The following TLR3 variants were observed in gnomAD, a reference collection of about 807,000 sequenced individuals.
TLR3 encodes the protein toll-like receptor 3.
Under a neutral mutation model 66.4 loss-of-function variants are expected in TLR3, and 43 were observed. The observed-to-expected ratio is 0.65, with a 90% confidence interval of 0.51 to 0.83. The LOEUF is 0.83. Ranked by LOEUF, TLR3 falls within the 40% of genes least tolerant of loss-of-function variation. The pLI is 0.00. For synonymous variants in TLR3, 397 were observed against 397.2 expected, an observed-to-expected ratio of 1.00 and a Z score of 0.01; for missense variants, 982 against 1,044.6, an observed-to-expected ratio of 0.94 and a Z score of 0.83.
In TLR3 at chr4:186,076,631, T is replaced by G. The variant is rs761878392; in HGVS notation, c.12T>G (p.Thr4=). Reference sequence around the variant, plus strand: ...TCTACAGCAGAATCATGAGACAGACTTTGCCTTGTATCTACTTTTGGGGGG... The same window carrying G: ...TCTACAGCAGAATCATGAGACAGACGTTGCCTTGTATCTACTTTTGGGGGG... MRQ[T]LPCIYFWGGL... is the part of the protein sequence containing the mutation. The change falls in exon 2 of 5, where the codon ACT becomes ACG. Residue 4 remains threonine (T), a synonymous_variant. Transcript: ENST00000296795. The G allele has an allele frequency of 6.2e-7, 1 of 1,614,180 alleles. No individual in the cohort carries two copies. The highest frequency in any genetic ancestry group is 1.1e-5 in the South Asian group (1 of 91,076).
intron 1 of TLR3, among the ~76,000 whole-genome samples, chr4:186,073,632 T>C (rs1000794714): frequency 1.3e-5 from 2 of 152,114 alleles, no homozygotes; most frequent in African/African-American, 4.8e-5. Context: ...CACCTTCACA[T>C]AGAAGCTAAC....
At chr4:186,075,761 C>T (rs1208300498) in intron 1 of TLR3, among the ~76,000 whole-genome samples, 1 of 152,088 alleles carries the variant, frequency 6.6e-6, no homozygotes, top group Non-Finnish European at 1.5e-5. Context: ...GCTAACATTT[C>T]ACATCTTGAC....
chr4:186,084,832 A>C lies in TLR3; in HGVS notation c.2674A>C (p.Lys892Gln). ...QKERIGAFRHKLQVALGSKNS... is the reference protein window; with the variant it reads ...QKERIGAFRHQLQVALGSKNS... ...AGAACGGATAGGTGCCTTTCGTCAT[A>C]AATTGCAAGTAGCACTTGGATCCAA... Residue 892 changes from lysine (K) to glutamine (Q), a missense_variant, in exon 5 of 5, where the codon AAA (lysine) becomes CAA (glutamine). Lys to Gln is a moderately conservative substitution (Grantham distance 53). This residue lies in a region of TLR3 where 666 missense variants were observed against 709.0 expected (regional missense o/e 0.94). Transcript: ENST00000296795. 1 of 1,614,068 alleles carries C rather than the reference A, an allele frequency of 6.2e-7. No individual in the cohort carries two copies. Among genetic ancestry groups the C allele is most frequent in the Non-Finnish European group, 8.5e-7 (1 of 1,179,990 alleles).
chr4:186,082,075 C>T (rs1339479910), intron 3 of TLR3: 5 of 497,842 alleles, frequency 1.0e-5, no homozygotes, highest in East Asian at 3.8e-5. Context: ...AAATACAAAA[C>T]TTAGCTGGAC....
intron 3 of TLR3, 101 bp downstream of exon 3, chr4:186,079,132 G>A: frequency 9.2e-7 from 1 of 1,089,514 alleles, no homozygotes; most frequent in Non-Finnish European, 1.3e-6. Flanking sequence ...GCCTCTGCCT[G>A]TCTTCCAGCA....
At position 186,069,254 on chromosome 4, in the gene TLR3, T is replaced by C. The variant is rs765240183; in HGVS notation, c.-8+6T>C. 22 of 152,336 alleles carry C rather than the reference T, an allele frequency of 1.4e-4. No homozygotes were observed. The highest frequency in any genetic ancestry group is 2.9e-4 in the Non-Finnish European group (20 of 68,042). 9.4% of individuals were successfully genotyped at this position (152,336 alleles called of 1,614,324 possible). A position where few individuals can be genotyped will look rare whatever the true frequency, so the allele number is the denominator to read the frequency against. On this transcript the variant is annotated splice_donor_region_variant and intron_variant, in intron 1 of 4. Coordinates refer to ENST00000296795, the MANE Select transcript of TLR3 (RefSeq NM_003265.3). ...AAAGGCTAGCAGTCATCCAAGTAAG[T>C]GAAGGTGTTCATTTCACGTTCTTAC...
chr4:186,078,994 T>C lies in TLR3; in HGVS notation c.596T>C (p.Leu199Ser), dbSNP rs764480581. 3 of 1,613,594 alleles carry C rather than the reference T, an allele frequency of 1.9e-6. No homozygotes were observed. The highest frequency in any genetic ancestry group is 2.5e-6 in the Non-Finnish European group (3 of 1,179,906). Residue 199 changes from leucine (L) to serine (S), a missense_variant, in exon 3 of 5, where the codon TTA becomes TCA. Coordinates refer to ENST00000296795, the MANE Select transcript of TLR3 (RefSeq NM_003265.3). ...CTGGATATCTTTGCCAATTCATCTT[T>C]AAAAAAATTAGAGTTGTCATCGAAT... is the stretch of plus-strand genomic sequence containing the variant. ...EELDIFANSS[L>S]KKLELSSNQI...
At chr4:186,070,452 G>A (rs892887253) in intron 1 of TLR3, among the ~76,000 whole-genome samples, 7 of 150,790 alleles carry the variant, frequency 4.6e-5, no homozygotes, top group South Asian at 2.1e-4. Context: ...TGGCATGATC[G>A]TGGCTCACTG....
In TLR3 at chr4:186,083,892, G is replaced by A; in HGVS notation, c.2206G>A (p.Val736Ile). Residue 736 changes from valine (V) to isoleucine (I), a missense_variant, in exon 4 of 5, where the codon GTT becomes ATT. Around this residue, in one of 3 missense-constraint regions of TLR3, gnomAD observed 666 missense variants for 709.0 expected, o/e 0.94. Transcript: ENST00000296795. The surrounding 1 kb of genome is among the most constrained non-coding windows in gnomAD (Gnocchi z 4.0). The part of the protein sequence containing the change: ...EGWRISFYWN[V>I]SVHRVLGFKE... ...CTGGAGGATATCTTTTTATTGGAAT[G>A]TTTCAGTACATCGAGTTCTTGGTTT... The A allele has an allele frequency of 6.2e-7, 1 of 1,614,148 alleles. No individual in the cohort carries two copies. The highest frequency in any genetic ancestry group is 8.5e-7 in the Non-Finnish European group (1 of 1,180,024).
At chr4:186,075,397 G>T (rs901171290) in intron 1 of TLR3, among the ~76,000 whole-genome samples, 1 of 152,088 alleles carries the variant, frequency 6.6e-6, no homozygotes, top group Non-Finnish European at 1.5e-5. Flanking sequence ...CAAGGCTGGA[G>T]GATCACTTGA....
At chr4:186,076,044 C>T (rs895028406) in intron 1 of TLR3, among the ~76,000 whole-genome samples, 3 of 151,982 alleles carry the variant, frequency 2.0e-5, no homozygotes, top group Non-Finnish European at 4.4e-5. Flanking sequence ...ATCCCAGCTA[C>T]TCGGGAGGCT....
chr4:186,074,791 T>A (rs998248786), intron 1 of TLR3, among the ~76,000 whole-genome samples: 8 of 152,162 alleles, frequency 5.3e-5, no homozygotes, highest in Admixed American at 5.2e-4. Context: ...CTATTTTTAA[T>A]TTTCTTCTTT....
chr4:186,084,701 T>C lies in TLR3; in HGVS notation c.2543T>C (p.Ile848Thr), dbSNP rs1396484974. Residue 848 changes from isoleucine to threonine, a missense_variant, in exon 5 of 5, where the codon ATA (isoleucine) becomes ACA (threonine). Physicochemically the swap from Ile to Thr is moderately conservative, Grantham distance 89. Transcript: ENST00000296795. ...ATTGAACAAAATCTGGATTCCATTA[T>C]ATTGGTTTTCCTTGAGGAGATTCCA... The part of the protein sequence containing the change: ...QAIEQNLDSI[I>T]LVFLEEIPDY... 6 of 1,614,036 alleles carry C rather than the reference T, an allele frequency of 3.7e-6. No homozygotes were observed. Among genetic ancestry groups the C allele is most frequent in the East Asian group, 2.2e-5 (1 of 44,858 alleles).
At chr4:186,081,718 G>A (rs1470330692) in intron 3 of TLR3, 1 of 153,880 alleles carries the variant, frequency 6.5e-6, no homozygotes, top group Non-Finnish European at 1.4e-5. Flanking sequence ...GATGGATCCT[G>A]GACTGGAAGG....
Position 186,083,978 on chromosome 4 carries a change from T to C in TLR3, c.2292T>C (p.Tyr764=), listed in dbSNP as rs2150068174. ...ATGCAGCATATATAATTCATGCCTA[T>C]AAAGATAAGGATTGGGTCTGGGAAC... ...FEYAAYIIHA[Y]KDKDWVWEHF... is the part of the protein sequence containing the mutation. The change falls in exon 4 of 5, where the codon TAT becomes TAC. Residue 764 remains tyrosine, a synonymous_variant. Coordinates refer to ENST00000296795, the MANE Select transcript of TLR3 (RefSeq NM_003265.3). This position sits in a 1 kb window ranked among gnomAD's most constrained non-coding sequence, Gnocchi z 4.0. 3 of 1,614,116 alleles carry C rather than the reference T, an allele frequency of 1.9e-6. No individual in the cohort carries two copies. The highest frequency in any genetic ancestry group is 2.5e-6 in the Non-Finnish European group (3 of 1,180,014).
chr4:186,069,422 G>A (rs1294830884), intron 1 of TLR3, among the ~76,000 whole-genome samples, 174 bp downstream of exon 1: 1 of 152,080 alleles, frequency 6.6e-6, no homozygotes, highest in Non-Finnish European at 1.5e-5. Context: ...ATATGATATG[G>A]GCATGGGAGA....
chr4:186,082,793 C>T lies in TLR3; in HGVS notation c.1107C>T (p.Gly369=), dbSNP rs1011949838. The change falls in exon 4 of 5, where the codon GGC becomes GGT. Residue 369 remains glycine, a synonymous_variant. Coordinates refer to ENST00000296795, the MANE Select transcript of TLR3 (RefSeq NM_003265.3). ...HLNMEDNDIP[G]IKSNMFTGLI... Reference sequence around the variant, plus strand: ...ACATGGAAGATAATGATATTCCAGGCATAAAAAGCAATATGTTCACAGGAT... The same window carrying T: ...ACATGGAAGATAATGATATTCCAGGTATAAAAAGCAATATGTTCACAGGAT... 1.9e-6 allele frequency: 3 copies of T among 1,613,930 alleles called. No individual in the cohort carries two copies. Among genetic ancestry groups the T allele is most frequent in the African/African-American group, 1.3e-5 (1 of 74,908 alleles).
At chr4:186,079,215 G>A (rs908088672) in intron 3 of TLR3, among the ~76,000 whole-genome samples, 184 bp downstream of exon 3, 3 of 152,068 alleles carry the variant, frequency 2.0e-5, no homozygotes, top group Admixed American at 1.3e-4. Flanking sequence ...GGAGAGGTCG[G>A]GAGACGGGAC....
At position 186,083,609 on chromosome 4, in the gene TLR3, T is replaced by C. The variant is rs761905609; in HGVS notation, c.1923T>C (p.Asp641=). 12 of 1,610,064 alleles carry C rather than the reference T, an allele frequency of 7.5e-6. No individual in the cohort carries two copies. The highest frequency in any genetic ancestry group is 1.7e-4 in the Middle Eastern group (1 of 6,056). ...GPAFRNLTEL[D]MRFNPFDCTC... ...CTTTCAGGAACCTGACTGAGTTAGATATGCGCTTTAATCCCTTTGATTGCA... is the reference window on the plus strand; with the variant it reads ...CTTTCAGGAACCTGACTGAGTTAGACATGCGCTTTAATCCCTTTGATTGCA... The change falls in exon 4 of 5, where the codon GAT becomes GAC. Residue 641 remains aspartate (D), a synonymous_variant. Coordinates refer to ENST00000296795, the MANE Select transcript of TLR3 (RefSeq NM_003265.3). This position sits in a 1 kb window ranked among gnomAD's most constrained non-coding sequence, Gnocchi z 4.0.
Sources: gnomAD v4.1 joint callset for allele counts (sites outside exome capture counted in the v4.1 genomes callset) on GRCh38, gnomAD v4.1.1 for gene constraint, gnomAD v4.1.1 regional missense constraint, Gnocchi (gnomAD v3.1) non-coding constraint, MANE v1.5 for transcripts, NCBI Gene and HGNC (gene_info 2026-07-23, HGNC 2026-07-21) for gene names.